The following EBF1 variants were observed in gnomAD, a reference collection of about 807,000 sequenced individuals.
EBF1 encodes EBF transcription factor 1.
A neutral mutation model predicts 68.4 loss-of-function variants in EBF1; 10 were observed. The ratio of observed to expected loss-of-function variants is 0.15; its 90% CI spans 0.09 to 0.25. The LOEUF (loss-of-function observed/expected upper bound fraction) is 0.25. Ranked by LOEUF, EBF1 falls within the 10% of genes least tolerant of loss-of-function variation. The pLI, the probability that EBF1 is intolerant of heterozygous loss-of-function variation, is 1.00. For missense variants in EBF1, 509 were observed against 794.4 expected, an observed-to-expected ratio of 0.64 and a Z score of 4.32; for synonymous variants, 298 against 299.8, an observed-to-expected ratio of 0.99 and a Z score of 0.06.
intron 6 of EBF1, among the ~76,000 whole-genome samples, chr5:159,048,771 G>A (rs1260710002): frequency 1.3e-5 from 2 of 152,152 alleles, no homozygotes; most frequent in Non-Finnish European, 2.9e-5. Flanking sequence ...TCTGATCTAA[G>A]CCAGCCATTT....
At chr5:159,076,422 T>G (rs1252026367) in intron 5 of EBF1, among the ~76,000 whole-genome samples, 2 of 152,172 alleles carry the variant, frequency 1.3e-5, no homozygotes, top group East Asian at 3.8e-4. Context: ...CTGAGATTTT[T>G]CCTTTTCACT....
At chr5:159,081,302 T>C (rs1779701424) in intron 5 of EBF1, among the ~76,000 whole-genome samples, 1 of 152,238 alleles carries the variant, frequency 6.6e-6, no homozygotes, top group South Asian at 2.1e-4. Context: ...TAGCTTTTAA[T>C]ACAGTTTGTT....
intron 6 of EBF1, among the ~76,000 whole-genome samples, chr5:159,032,278 G>A (rs571944324): frequency 3.9e-5 from 6 of 152,308 alleles, no homozygotes; most frequent in Admixed American, 2.6e-4. Context: ...TTGTACAAAT[G>A]TAAAAAACAG....
At position 158,698,808 on chromosome 5, in the gene EBF1, G is replaced by A; in HGVS notation, c.*303C>T. ...TACGGTTTATAAAAGACAAATGATT[G>A]CAGAATTAAGCTTAAAAAAAAAAAA... is the stretch of plus-strand genomic sequence containing the variant. On this transcript the variant is annotated 3_prime_UTR_variant, in exon 16 of 16. Transcript: ENST00000313708. 3.5e-6 allele frequency: 1 copy of A among 282,800 alleles called. No homozygotes were observed. Among genetic ancestry groups the A allele is most frequent in the East Asian group, 5.2e-5 (1 of 19,322 alleles). The allele number at this position is 282,800 out of a possible 1,614,324, so 17.5% of individuals were successfully genotyped here. A position where few individuals can be genotyped will look rare whatever the true frequency, so the allele number is the denominator to read the frequency against.
chr5:158,986,575 C>G (rs1759131748), intron 6 of EBF1: 1 of 152,186 alleles, frequency 6.6e-6, no homozygotes, highest in South Asian at 2.1e-4. Context: ...GAATGTGAAG[C>G]CTGATTTCAT....
chr5:158,771,269 T>C (rs1240336205), intron 10 of EBF1, among the ~76,000 whole-genome samples: 1 of 152,142 alleles, frequency 6.6e-6, no homozygotes, highest in East Asian at 1.9e-4. Flanking sequence ...ACTCTCAGGA[T>C]TGCATTACAT....
At chr5:158,703,596 CT>C (rs36048066) in intron 15 of EBF1, among the ~76,000 whole-genome samples, 1,271 of 67,982 alleles carry the variant, frequency 0.019, 21 homozygotes, top group African/African-American at 0.046. Context: ...ACTAGAGTTG[CT>C]TTTTCAAAAA....
At chr5:158,988,229 T>G (rs955450680) in intron 6 of EBF1, among the ~76,000 whole-genome samples, 2 of 152,200 alleles carry the variant, frequency 1.3e-5, no homozygotes, top group African/African-American at 4.8e-5. Context: ...TCCTGCCCAG[T>G]GCCCCCCCTT....
intron 8 of EBF1, among the ~76,000 whole-genome samples, chr5:158,820,297 G>A (rs1784582090): frequency 6.6e-6 from 1 of 152,152 alleles, no homozygotes; most frequent in South Asian, 2.1e-4. Context: ...ACAGAGGGAT[G>A]AGGGTGTATG....
At chr5:159,079,630 G>A (rs1779403393) in intron 5 of EBF1, among the ~76,000 whole-genome samples, 1 of 124,946 alleles carries the variant, frequency 8.0e-6, no homozygotes, top group Admixed American at 9.2e-5. Context: ...TTTTTGAGAT[G>A]GTGTGGAGTC....
At chr5:159,053,616 C>G (rs932562306) in intron 6 of EBF1, among the ~76,000 whole-genome samples, 1 of 151,710 alleles carries the variant, frequency 6.6e-6, no homozygotes, top group East Asian at 1.9e-4. Context: ...CACACACACA[C>G]ACACACACAC....
intron 6 of EBF1, among the ~76,000 whole-genome samples, chr5:159,008,541 A>G (rs202197953): frequency 7.0e-6 from 1 of 142,952 alleles, no homozygotes; most frequent in East Asian, 2.0e-4. Context: ...TTTTTTTTTA[A>G]GACAGAGTCT....
chr5:159,094,000 C>CTTT lies in EBF1; in HGVS notation c.411+1617_411+1619dup, dbSNP rs35491355. Among the ~76,000 whole-genome samples, 959 of 130,076 alleles carry CTTT rather than the reference C, an allele frequency of 7.4e-3. 17 individuals carry two copies. The highest frequency in any genetic ancestry group is 0.025 in the African/African-American group (857 of 34,246). The allele number at this position is 130,076 out of a possible 152,430, so 85.3% of individuals were successfully genotyped here. On this transcript the variant is annotated intron_variant, in intron 4 of 15. Transcript: ENST00000313708. ...CCTACTTTCCCCCTCTCCCTCCCAA[C>CTTT]TTTTTTTTTTTTTTTTTTCCTGTAA...
chr5:158,820,922 T>A (rs955192721), intron 8 of EBF1, among the ~76,000 whole-genome samples: 2 of 152,206 alleles, frequency 1.3e-5, no homozygotes, highest in African/African-American at 4.8e-5. Flanking sequence ...AGTGGCTTTT[T>A]TCCCCCTCTC....
chr5:158,807,378 C>T (rs192470783), intron 8 of EBF1, among the ~76,000 whole-genome samples: 21 of 152,250 alleles, frequency 1.4e-4, no homozygotes, highest in African/African-American at 4.8e-4. Flanking sequence ...AAGATGATTT[C>T]TGAGTTTTCC....
chr5:158,948,161 C>T (rs1815222881), intron 6 of EBF1, among the ~76,000 whole-genome samples: 1 of 152,132 alleles, frequency 6.6e-6, no homozygotes, highest in South Asian at 2.1e-4. Context: ...TGTGTCAAAA[C>T]ATCACTACAT....
At chr5:158,737,766 T>A (rs1191967477) in intron 10 of EBF1, among the ~76,000 whole-genome samples, 1 of 152,076 alleles carries the variant, frequency 6.6e-6, no homozygotes, top group Non-Finnish European at 1.5e-5. Context: ...AAGAAAAGGC[T>A]GAAGACAGAA....
intron 6 of EBF1, among the ~76,000 whole-genome samples, chr5:158,994,443 G>A (rs1305207413): frequency 6.6e-6 from 1 of 152,202 alleles, no homozygotes; most frequent in Non-Finnish European, 1.5e-5. Context: ...AATGTGTCTT[G>A]TTAAAGGGAG....
At chr5:158,732,935 AC>A (rs752438929) in intron 10 of EBF1, among the ~76,000 whole-genome samples, 7 of 152,208 alleles carry the variant, frequency 4.6e-5, no homozygotes, top group Non-Finnish European at 8.8e-5. Flanking sequence ...CTAAAATTAC[AC>A]CCAGGTGTAT....
Sources: allele counts gnomAD v4.1 joint callset (sites outside exome capture counted in the v4.1 genomes callset), GRCh38; gene constraint gnomAD v4.1.1; transcripts MANE v1.5; gene names NCBI Gene and HGNC (gene_info 2026-07-23, HGNC 2026-07-21).